Variants in WASHC3 observed in about 807,000 individuals in gnomAD.
WASHC3 encodes WASH complex subunit CCDC53.
WASHC3 carries 24 observed loss-of-function variants against 26.1 expected under a neutral mutation model. The ratio of observed to expected loss-of-function variants is 0.92; its 90% CI spans 0.66 to 1.29. The LOEUF (loss-of-function observed/expected upper bound fraction) is 1.29, where lower values mean the gene tolerates loss of function less well. WASHC3 is among the 50% of genes most tolerant of loss of function. The pLI is 0.00. For synonymous variants in WASHC3, 77 were observed against 75.7 expected (o/e 1.02, Z -0.09); for missense variants, 214 against 229.6 (o/e 0.93, Z 0.44).
rs184135971 is a variant in WASHC3 at position 102,013,164 on chromosome 12, C to G, written c.529G>C (p.Glu177Gln). Residue 177 changes from glutamate (E) to glutamine (Q), a missense_variant, in exon 7 of 7, where the codon GAA (glutamate) becomes CAA (glutamine). Physicochemically the swap from Glu to Gln is conservative, Grantham distance 29. Transcript: ENST00000240079. ...CTTTCTTCTACAGTTTTCTCACTTTCGCCATCAGGCACTGGAGCATCTGGC... is the reference window on the plus strand; with the variant it reads ...CTTTCTTCTACAGTTTTCTCACTTTGGCCATCAGGCACTGGAGCATCTGGC... ...ERPDAPVPDG[E>Q]SEKTVEESSD... The G allele has an allele frequency of 7.1e-6, 11 of 1,547,856 alleles. No homozygotes were observed. The highest frequency in any genetic ancestry group is 9.6e-6 in the Non-Finnish European group (11 of 1,140,092).
At chr12:102,021,318 A>G (rs1378813344) in intron 6 of WASHC3, among the ~76,000 whole-genome samples, 1 of 152,196 alleles carries the variant, frequency 6.6e-6, no homozygotes. Flanking sequence ...AACCAGGAAA[A>G]CAATTTAATG....
chr12:102,046,908 T>A (rs1420356043), intron 2 of WASHC3, among the ~76,000 whole-genome samples: 2 of 152,206 alleles, frequency 1.3e-5, no homozygotes, highest in African/African-American at 4.8e-5. Context: ...CGTCCCAGAT[T>A]TAAACATCTG....
At chr12:102,028,494 G>A (rs1234776675) in intron 5 of WASHC3, among the ~76,000 whole-genome samples, 1 of 152,030 alleles carries the variant, frequency 6.6e-6, no homozygotes, top group African/African-American at 2.4e-5. Context: ...ACTCAAGCAT[G>A]TGATTTATTT....
intron 5 of WASHC3, among the ~76,000 whole-genome samples, chr12:102,031,381 G>A (rs1399587371): frequency 6.6e-6 from 1 of 152,070 alleles, no homozygotes; most frequent in East Asian, 1.9e-4. Context: ...AAATGTCAGA[G>A]GTCACTTGAA....
At chr12:102,019,173 C>T (rs11615247) in intron 6 of WASHC3, 2,879 of 163,248 alleles carry the variant, frequency 0.018, 38 homozygotes, top group Non-Finnish European at 0.026. Flanking sequence ...TCTTTGGGTA[C>T]AAAAAAGAAA....
intron 6 of WASHC3, among the ~76,000 whole-genome samples, chr12:102,019,882 T>G (rs979150242): frequency 3.3e-5 from 5 of 152,242 alleles, no homozygotes; most frequent in Non-Finnish European, 7.3e-5. Context: ...CTGCCCTTTT[T>G]AGCATACCAG....
chr12:102,051,222 G>C (rs1345655353), intron 2 of WASHC3, among the ~76,000 whole-genome samples: 1 of 152,120 alleles, frequency 6.6e-6, no homozygotes, highest in African/African-American at 2.4e-5. Flanking sequence ...TCGGGGGGTG[G>C]GAAAAGTTTT....
chr12:102,038,529 G>T (rs914793200), intron 5 of WASHC3, among the ~76,000 whole-genome samples: 1 of 151,478 alleles, frequency 6.6e-6, no homozygotes, highest in Admixed American at 6.6e-5. Flanking sequence ...AATAGTTTTT[G>T]TTGTTGTTGT....
chr12:102,056,886 A>G (rs1429082304), intron 2 of WASHC3, among the ~76,000 whole-genome samples: 2 of 152,216 alleles, frequency 1.3e-5, no homozygotes, highest in Admixed American at 1.3e-4. Flanking sequence ...AAAATACTGA[A>G]GAGGAGGGGA....
intron 2 of WASHC3, among the ~76,000 whole-genome samples, chr12:102,057,526 A>T (rs1878636878): frequency 6.6e-6 from 1 of 152,134 alleles, no homozygotes; most frequent in South Asian, 2.1e-4. Flanking sequence ...CTTATAAAAA[A>T]TTCCACCAAA....
In WASHC3 at chr12:102,048,292, T is replaced by C. The variant is rs375360281; in HGVS notation, c.151-2173A>G. 2.1e-4 allele frequency: 32 copies of C among 152,198 alleles called. No homozygotes were observed. The East Asian group carries it at 2.3e-3, about 11-fold the overall frequency. 9.4% of individuals were successfully genotyped at this position (152,198 alleles called of 1,614,324 possible). Reference sequence around the variant, plus strand: ...AACATAGTTAAAAAAAAAATCACCATAGGCTGGGCACAATGGCTCATGCCT... The same window carrying C: ...AACATAGTTAAAAAAAAAATCACCACAGGCTGGGCACAATGGCTCATGCCT... On this transcript the variant is annotated intron_variant, in intron 2 of 6. Transcript: ENST00000240079.
At chr12:102,057,018 C>A (rs1361676419) in intron 2 of WASHC3, among the ~76,000 whole-genome samples, 1 of 152,084 alleles carries the variant, frequency 6.6e-6, no homozygotes, top group African/African-American at 2.4e-5. Context: ...AAATCCTCTA[C>A]AAAATACTGG....
chr12:102,027,628 T>C (rs1256369778), intron 5 of WASHC3, among the ~76,000 whole-genome samples: 1 of 152,132 alleles, frequency 6.6e-6, no homozygotes, highest in Non-Finnish European at 1.5e-5. Context: ...CCAGAAAAGA[T>C]AGCTATGGAA....
At chr12:102,057,827 G>C (rs1210136751) in intron 2 of WASHC3, among the ~76,000 whole-genome samples, 2 of 151,824 alleles carry the variant, frequency 1.3e-5, no homozygotes, top group African/African-American at 4.8e-5. Context: ...TTACAAGGTT[G>C]ACACCACTCA....
intron 6 of WASHC3, among the ~76,000 whole-genome samples, chr12:102,015,344 A>G (rs113762045): frequency 6.1e-4 from 93 of 152,318 alleles, no homozygotes; most frequent in Admixed American, 2.0e-3. Flanking sequence ...AACTGAAACT[A>G]TAAAATTCAT....
intron 2 of WASHC3, chr12:102,048,421 C>T (rs1162467986): frequency 6.6e-6 from 1 of 151,996 alleles, no homozygotes; most frequent in Non-Finnish European, 1.5e-5. Context: ...AAAAATTAGC[C>T]AAGTGTGGTG....
In WASHC3 at chr12:102,032,005, A is replaced by G. The variant is rs537484327; in HGVS notation, c.436-5967T>C. 5.3e-5 allele frequency among the ~76,000 whole-genome samples: 8 copies of G among 152,284 alleles called. No homozygotes were observed. In the South Asian group the frequency reaches 1.7e-3, roughly 32 times the overall value. ...TCCAAAAAATGTTTTAAAGACTTTA[A>G]TTACTCTTACAATAACTGTATCTTG... On this transcript the variant is annotated intron_variant, in intron 5 of 6. Coordinates refer to ENST00000240079, the MANE Select transcript of WASHC3 (RefSeq NM_016053.4).
At chr12:102,043,794 A>ATTGTAC (rs1256981824) in intron 4 of WASHC3, 1 of 156,572 alleles carries the variant, frequency 6.4e-6, no homozygotes, top group Admixed American at 6.5e-5. Context: ...ACAATAAAAT[A>ATTGTAC]TTTTAAAAGT....
chr12:102,061,787 G>T, intron 1 of WASHC3, 125 bp downstream of exon 1: 1 of 743,352 alleles, frequency 1.3e-6, no homozygotes, highest in Non-Finnish European at 2.2e-6. Context: ...GGCCCCACAG[G>T]CCTGTCACAA....
Sources: gnomAD v4.1 joint callset for allele counts (sites outside exome capture counted in the v4.1 genomes callset) on GRCh38, gnomAD v4.1.1 for gene constraint, MANE v1.5 for transcripts, NCBI Gene and HGNC (gene_info 2026-07-23, HGNC 2026-07-21) for gene names.